NLN: variants seen among roughly 807,000 people sequenced by gnomAD.
NLN encodes neurolysin, mitochondrial.
In NLN, 64 loss-of-function variants were observed where a neutral mutation model predicts 79.9. The observed-to-expected ratio is 0.80, with a 90% CI of 0.65 to 0.99. NLN has a LOEUF of 0.99. Ranked by LOEUF, NLN falls within the 50% of genes least tolerant of loss-of-function variation. The pLI is 0.00. For missense variants in NLN, 835 were observed against 858.7 expected (o/e 0.97, Z 0.34); for synonymous variants, 267 against 296.6 (o/e 0.90, Z 1.02).
At chr5:65,790,001 T>G (rs1002312943) in intron 8 of NLN, among the ~76,000 whole-genome samples, 7 of 152,210 alleles carry the variant, frequency 4.6e-5, no homozygotes, top group African/African-American at 1.7e-4. Context: ...AGACTATATG[T>G]GCAAATCATC....
intron 1 of NLN, among the ~76,000 whole-genome samples, chr5:65,731,522 T>C (rs1374025509): frequency 6.6e-6 from 1 of 152,208 alleles, no homozygotes; most frequent in African/African-American, 2.4e-5. Context: ...ATTATTACTT[T>C]GTAAGAGCCC....
intron 1 of NLN, among the ~76,000 whole-genome samples, chr5:65,754,118 AC>A (rs1759164324): frequency 6.6e-6 from 1 of 152,116 alleles, no homozygotes; most frequent in Admixed American, 6.6e-5. Context: ...ATAATATAAA[AC>A]CCCATTCTAA....
At chr5:65,763,136 G>C (rs1759376513) in intron 3 of NLN, 28 bp downstream of exon 3, 1 of 1,591,374 alleles carries the variant, frequency 6.3e-7, no homozygotes, top group Non-Finnish European at 8.6e-7. Context: ...TCCCTTTAAA[G>C]AGGGAAAAAC....
intron 3 of NLN, among the ~76,000 whole-genome samples, chr5:65,766,150 G>T (rs1182427484): frequency 6.6e-6 from 1 of 152,208 alleles, no homozygotes; most frequent in African/African-American, 2.4e-5. Context: ...GGTGGCTTGG[G>T]TTGAAGCAGG....
chr5:65,773,184 T>C (rs556815361), intron 3 of NLN, among the ~76,000 whole-genome samples: 1 of 137,772 alleles, frequency 7.3e-6, no homozygotes, highest in South Asian at 2.3e-4. Flanking sequence ...CAGGCTGGAG[T>C]GCAGTAGCTC....
intron 1 of NLN, among the ~76,000 whole-genome samples, chr5:65,757,172 A>G (rs1308532160): frequency 1.3e-5 from 2 of 152,230 alleles, no homozygotes; most frequent in African/African-American, 4.8e-5. Flanking sequence ...GCTCATAAAT[A>G]TTAGCTGGGT....
intron 1 of NLN, among the ~76,000 whole-genome samples, chr5:65,723,381 G>A (rs943475823): frequency 6.6e-6 from 1 of 152,180 alleles, no homozygotes; most frequent in African/African-American, 2.4e-5. Flanking sequence ...AGTTAATGTG[G>A]TGATTGGTGA....
chr5:65,775,659 C>T (rs1759664751), intron 3 of NLN, among the ~76,000 whole-genome samples: 1 of 152,242 alleles, frequency 6.6e-6, no homozygotes, highest in Non-Finnish European at 1.5e-5. Context: ...AAGTTAATCA[C>T]ATCCGCAGGA....
chr5:65,727,706 C>T (rs1044858520), intron 1 of NLN, among the ~76,000 whole-genome samples: 2 of 152,062 alleles, frequency 1.3e-5, no homozygotes, highest in South Asian at 2.1e-4. Flanking sequence ...AATATTTAGC[C>T]GAAACAATAG....
At position 65,762,942 on chromosome 5, in the gene NLN, T is replaced by C; in HGVS notation, c.302-18T>C. ...ACAAGTCCTGTTGTGTGGTGATAGT[T>C]TTTTTCTCCATCTGCAGTGGAAAGG... On this transcript the variant is annotated intron_variant, in intron 2 of 12. Coordinates refer to ENST00000380985, the MANE Select transcript of NLN (RefSeq NM_020726.5). The C allele has an allele frequency of 5.6e-6, 9 of 1,611,854 alleles. No homozygotes were observed. Among genetic ancestry groups the C allele is most frequent in the Non-Finnish European group, 7.6e-6 (9 of 1,178,998 alleles).
chr5:65,813,992 C>A (rs112475282), intron 12 of NLN, among the ~76,000 whole-genome samples: 1,831 of 152,022 alleles, frequency 0.012, 39 homozygotes, highest in African/African-American at 0.041. Flanking sequence ...CAATACTTGT[C>A]TTATTTTCTC....
At chr5:65,809,332 G>T in intron 9 of NLN, 183 bp from the exon 10 acceptor site, 1 of 536,750 alleles carries the variant, frequency 1.9e-6, no homozygotes, top group South Asian at 2.9e-5. Context: ...TTTGGGGGTT[G>T]TTTTTCACAC....
At chr5:65,781,538 A>G (rs1561199306) in intron 6 of NLN, 117 bp downstream of exon 6, 4 of 739,884 alleles carry the variant, frequency 5.4e-6, no homozygotes, top group African/African-American at 1.8e-5. Context: ...TGTGCACTGT[A>G]TCTCTAATTC....
At chr5:65,798,018 T>C (rs10069699) in intron 9 of NLN, among the ~76,000 whole-genome samples, 24,762 of 152,068 alleles carry the variant, frequency 0.16, 2,454 homozygotes, top group African/African-American at 0.29. Flanking sequence ...TGAAGAGCAA[T>C]GTGGGTATGT....
Position 65,746,304 on chromosome 5 carries a change from T to C in NLN, c.42-12263T>C, listed in dbSNP as rs187485400. Among the ~76,000 whole-genome samples, 9 of 152,148 alleles carry C rather than the reference T, an allele frequency of 5.9e-5. No individual in the cohort carries two copies. The East Asian group carries it at 1.7e-3, about 29-fold the overall frequency. ...CATCAAATGAAAAGAGGAATCATTA[T>C]CACAAAAGCCCAAAGAGGGAAAAGT... On this transcript the variant is annotated intron_variant, in intron 1 of 12. Transcript: ENST00000380985.
rs73103220 is a variant in NLN, at chr5:65,813,782, G to A, written c.1980+1391G>A. Among the ~76,000 whole-genome samples the A allele has an allele frequency of 6.2e-3, 939 of 152,132 alleles. 13 individuals carry two copies. Among genetic ancestry groups the A allele is most frequent in the African/African-American group, 0.022 (893 of 41,494 alleles). ...TCTCTACAAAAAATAAACAGAATTA[G>A]CCAGGTGTGGTGGTAGAAGCCTATA... On this transcript the variant is annotated intron_variant, in intron 12 of 12. Coordinates refer to ENST00000380985, the MANE Select transcript of NLN (RefSeq NM_020726.5).
In NLN at chr5:65,774,976, C is replaced by T. The variant is rs148189857; in HGVS notation, c.451-2451C>T. Among the ~76,000 whole-genome samples the T allele has an allele frequency of 3.5e-4, 54 of 152,130 alleles. No homozygotes were observed. In the East Asian group the frequency reaches 9.3e-3, roughly 26 times the overall value. On this transcript the variant is annotated intron_variant, in intron 3 of 12. Coordinates refer to ENST00000380985, the MANE Select transcript of NLN (RefSeq NM_020726.5). ...CTCACCTCAAGTAATCCGTCCAATT[C>T]GGCCTCCCAATGCTGGGATTACAGG...
chr5:65,738,960 TG>T (rs1393688484), intron 1 of NLN, among the ~76,000 whole-genome samples: 1,507 of 86,428 alleles, frequency 0.017, 20 homozygotes, highest in African/African-American at 0.029. Flanking sequence ...TTTATATATA[TG>T]TATATATAAA....
Position 65,798,905 on chromosome 5 carries a change from G to T in NLN, c.1527+6250G>T, listed in dbSNP as rs558221241. Among the ~76,000 whole-genome samples the T allele has an allele frequency of 5.9e-5, 9 of 152,272 alleles. No individual in the cohort carries two copies. In the East Asian group the frequency reaches 1.7e-3, roughly 29 times the overall value. ...TTTTGTTTGTTTGTTTTTGGAGACA[G>T]GGTCTCACTCTGTCACTCAGGCTGG... On this transcript the variant is annotated intron_variant, in intron 9 of 12. Transcript: ENST00000380985.
Sources: allele counts gnomAD v4.1 joint callset (sites outside exome capture counted in the v4.1 genomes callset), GRCh38; gene constraint gnomAD v4.1.1; transcripts MANE v1.5; gene names NCBI Gene and HGNC (gene_info 2026-07-23, HGNC 2026-07-21).